The following CLIP4 variants were observed in gnomAD, a reference collection of about 807,000 sequenced individuals.
CLIP4 encodes the protein CAP-Gly domain-containing linker protein 4.
Under a neutral mutation model 73.1 loss-of-function variants are expected in CLIP4, and 47 were observed. That is an observed-to-expected ratio of 0.64 (90% CI 0.51 to 0.82). CLIP4 has a LOEUF of 0.82. CLIP4 is among the 40% of genes least tolerant of loss of function. The pLI is 0.00. For synonymous variants in CLIP4, 306 were observed against 295.4 expected (o/e 1.04, Z -0.37); for missense variants, 874 against 852.9 (o/e 1.02, Z -0.31).
upstream of CLIP4, among the ~76,000 whole-genome samples, chr2:29,111,750 A>C (rs1321998811): frequency 6.6e-6 from 1 of 152,200 alleles, no homozygotes; most frequent in African/African-American, 2.4e-5. Flanking sequence ...AATTTTTTCT[A>C]TGGTATTCTT....
At chr2:29,158,832 G>C (rs1667106671) in intron 11 of CLIP4, among the ~76,000 whole-genome samples, 1 of 152,172 alleles carries the variant, frequency 6.6e-6, no homozygotes, top group South Asian at 2.1e-4. Flanking sequence ...GTGCAGTGTT[G>C]CAATCATAGT....
intron 1 of CLIP4, among the ~76,000 whole-genome samples, chr2:29,118,931 A>G (rs756700409): frequency 6.6e-6 from 1 of 152,198 alleles, no homozygotes; most frequent in African/African-American, 2.4e-5. Context: ...TCAGATCAGT[A>G]TACTTAGACA....
intron 3 of CLIP4, 77 bp from the exon 4 acceptor site, chr2:29,132,075 G>T: frequency 2.1e-6 from 2 of 973,926 alleles, no homozygotes; most frequent in South Asian, 1.4e-5. Flanking sequence ...AGACTAACTT[G>T]GTTCCTCAGC....
At chr2:29,099,612 A>G (rs893862448) in intron 1 of CLIP4, among the ~76,000 whole-genome samples, 1 of 152,168 alleles carries the variant, frequency 6.6e-6, no homozygotes, top group African/African-American at 2.4e-5. Context: ...GCTTTGTAGT[A>G]TATCTTTAAG....
At chr2:29,165,524 G>A (rs974219765) in intron 13 of CLIP4, among the ~76,000 whole-genome samples, 2 of 152,144 alleles carry the variant, frequency 1.3e-5, no homozygotes, top group East Asian at 1.9e-4. Flanking sequence ...ACCCTATAAC[G>A]GTTAGAAGAG....
chr2:29,162,583 T>G (rs1461046957), intron 12 of CLIP4, among the ~76,000 whole-genome samples: 1 of 152,078 alleles, frequency 6.6e-6, no homozygotes, highest in African/African-American at 2.4e-5. Flanking sequence ...ATATGGTAAA[T>G]TAAAATGGGA....
intron 13 of CLIP4, among the ~76,000 whole-genome samples, chr2:29,166,457 T>C (rs903955148): frequency 6.6e-6 from 1 of 151,966 alleles, no homozygotes; most frequent in African/African-American, 2.4e-5. Flanking sequence ...TCTGCTAATA[T>C]ATGAATCAGT....
intron 14 of CLIP4, among the ~76,000 whole-genome samples, chr2:29,169,761 A>G (rs1345901527): frequency 6.6e-6 from 1 of 150,972 alleles, no homozygotes; most frequent in Non-Finnish European, 1.5e-5. Flanking sequence ...GAATGTTATA[A>G]TTCTTCTCTC....
At chr2:29,109,304 T>C (rs1428245111) in intron 1 of CLIP4, among the ~76,000 whole-genome samples, 1 of 152,202 alleles carries the variant, frequency 6.6e-6, no homozygotes, top group African/African-American at 2.4e-5. Flanking sequence ...GCAATTTTCA[T>C]CCTAATGCCA....
At chr2:29,146,825 A>G (rs796496304) in intron 8 of CLIP4, among the ~76,000 whole-genome samples, 40 of 152,338 alleles carry the variant, frequency 2.6e-4, no homozygotes, top group African/African-American at 9.1e-4. Flanking sequence ...GACTAGTGCA[A>G]GAATTAAATG....
intron 14 of CLIP4, among the ~76,000 whole-genome samples, chr2:29,169,391 A>G (rs1471555260): frequency 6.6e-6 from 1 of 151,132 alleles, no homozygotes; most frequent in East Asian, 2.0e-4. Context: ...CTCTCCTCAT[A>G]AAGACACTAG....
Position 29,181,576 on chromosome 2 carries a change from A to C in CLIP4, c.1801A>C (p.Lys601Gln), listed in dbSNP as rs1262307030. 1 of 1,604,428 alleles carries C rather than the reference A, an allele frequency of 6.2e-7. No individual in the cohort carries two copies. The highest frequency in any genetic ancestry group is 1.7e-5 in the Admixed American group (1 of 59,364). The change falls in exon 16 of 16, where the codon AAA becomes CAA. Residue 601 changes from lysine to glutamine, a missense_variant. Lys to Gln is a moderately conservative substitution (Grantham distance 53). Coordinates refer to ENST00000320081, the MANE Select transcript of CLIP4 (RefSeq NM_024692.6). ...INRRNAFSKSKAALRRSWSST... is the reference protein window; with the variant it reads ...INRRNAFSKSQAALRRSWSST... ...CCACTTTTCCCTTCCGCACAGATCGAAAGCTGCTTTGCGTCGCAGTTGGAG... is the reference window on the plus strand; with the variant it reads ...CCACTTTTCCCTTCCGCACAGATCGCAAGCTGCTTTGCGTCGCAGTTGGAG...
intron 8 of CLIP4, among the ~76,000 whole-genome samples, chr2:29,148,002 A>G (rs1444512743): frequency 6.6e-6 from 1 of 152,184 alleles, no homozygotes; most frequent in East Asian, 1.9e-4. Context: ...GAATTATGGA[A>G]TCATTTAGAT....
intron 3 of CLIP4, chr2:29,131,669 G>A (rs1364663251): frequency 3.4e-6 from 1 of 290,010 alleles, no homozygotes; most frequent in South Asian, 9.1e-5. Context: ...AATTAATTTT[G>A]TAAACTTTTA....
chr2:29,126,684 G>T (rs773786629), intron 2 of CLIP4, among the ~76,000 whole-genome samples: 3 of 152,174 alleles, frequency 2.0e-5, no homozygotes, highest in African/African-American at 4.8e-5. Flanking sequence ...TTCCTGGTTT[G>T]CAGTTTGAAT....
intron 8 of CLIP4, among the ~76,000 whole-genome samples, chr2:29,149,838 T>C (rs187370712): frequency 1.3e-5 from 2 of 152,172 alleles, no homozygotes; most frequent in Non-Finnish European, 2.9e-5. Flanking sequence ...AAATATACTT[T>C]AGCTTACAGA....
chr2:29,128,590 A>G (rs932814415), intron 2 of CLIP4, among the ~76,000 whole-genome samples: 5 of 152,134 alleles, frequency 3.3e-5, no homozygotes, highest in Non-Finnish European at 5.9e-5. Context: ...ACCTTTCACA[A>G]TCTCCCATCA....
intron 5 of CLIP4, among the ~76,000 whole-genome samples, chr2:29,134,544 A>G (rs1335078611): frequency 2.0e-5 from 3 of 151,962 alleles, no homozygotes; most frequent in African/African-American, 7.2e-5. Context: ...TACCTTTTCA[A>G]TTTCTAAGTG....
intron 6 of CLIP4, among the ~76,000 whole-genome samples, chr2:29,136,473 G>C (rs1294651169): frequency 6.6e-6 from 1 of 151,626 alleles, no homozygotes; most frequent in Non-Finnish European, 1.5e-5. Flanking sequence ...ATTGGTTATT[G>C]GGCACTGGGA....
Sources: gnomAD v4.1 joint callset for allele counts (sites outside exome capture counted in the v4.1 genomes callset) on GRCh38, gnomAD v4.1.1 for gene constraint, MANE v1.5 for transcripts, NCBI Gene and HGNC (gene_info 2026-07-23, HGNC 2026-07-21) for gene names.